The following CYP3A43 variants were observed in gnomAD, a reference collection of about 807,000 sequenced individuals.
CYP3A43 encodes cytochrome P450 family 3 subfamily A member 43.
CYP3A43 carries 45 observed loss-of-function variants against 58.0 expected under a neutral mutation model. The ratio of observed to expected loss-of-function variants is 0.78; its 90% CI spans 0.61 to 0.99. The LOEUF is 0.99. Among genes scored for constraint, CYP3A43 ranks in the 50% least tolerant of loss-of-function variants. The pLI, the probability that CYP3A43 is intolerant of heterozygous loss-of-function variation, is 0.00. For synonymous variants in CYP3A43, 191 were observed against 201.4 expected (o/e 0.95, Z 0.44); for missense variants, 593 against 591.9 (o/e 1.00, Z -0.02).
At position 99,855,586 on chromosome 7, in the gene CYP3A43, T is replaced by A; in HGVS notation, c.671-5T>A. ...TTTTTCTTTTTCTATTTAATTTTCCTATAGCACTCTTTCCATTTCTTACCC... is the reference window on the plus strand; with the variant it reads ...TTTTTCTTTTTCTATTTAATTTTCCAATAGCACTCTTTCCATTTCTTACCC... On this transcript the variant is annotated splice_region_variant and splice_polypyrimidine_tract_variant and intron_variant, in intron 7 of 12. Coordinates refer to ENST00000354829, the MANE Select transcript of CYP3A43 (RefSeq NM_057095.3). 3 of 1,600,024 alleles carry A rather than the reference T, an allele frequency of 1.9e-6. No homozygotes were observed. The highest frequency in any genetic ancestry group is 2.6e-6 in the Non-Finnish European group (3 of 1,173,454).
In CYP3A43 at chr7:99,838,653, G is replaced by A. The variant is rs1262835703; in HGVS notation, c.166-467G>A. 2.3e-6 allele frequency: 3 copies of A among 1,287,090 alleles called. No individual in the cohort carries two copies. In the South Asian group the frequency reaches 3.7e-5, roughly 16 times the overall value. The allele number at this position is 1,287,090 out of a possible 1,614,324, so 79.7% of individuals were successfully genotyped here. On this transcript the variant is annotated intron_variant, in intron 2 of 12. Coordinates refer to ENST00000354829, the MANE Select transcript of CYP3A43 (RefSeq NM_057095.3). ...AAATTCTCCATTTCAAATATCTTCT[G>A]TATTTTCTCTCCTTTTCCTTAAGAG...
intron 4 of CYP3A43, among the ~76,000 whole-genome samples, chr7:99,845,714 C>T (rs1001359867): frequency 6.6e-6 from 1 of 151,894 alleles, no homozygotes; most frequent in Admixed American, 6.6e-5. Flanking sequence ...AGTAGCTGTA[C>T]GGTAACTATT....
rs1162189536 is a variant in CYP3A43 at position 99,849,707 on chromosome 7, T to C, written c.670+13T>C. 1 of 1,555,994 alleles carries C rather than the reference T, an allele frequency of 6.4e-7. No homozygotes were observed. Among genetic ancestry groups the C allele is most frequent in the Non-Finnish European group, 8.6e-7 (1 of 1,162,396 alleles). On this transcript the variant is annotated intron_variant, in intron 7 of 12. Coordinates refer to ENST00000354829, the MANE Select transcript of CYP3A43 (RefSeq NM_057095.3). ...TTACTCTTAATATGTATGTGGACTTTTATGTTATTTCTCTCTCTCTCTCTC... is the reference window on the plus strand; with the variant it reads ...TTACTCTTAATATGTATGTGGACTTCTATGTTATTTCTCTCTCTCTCTCTC...
At chr7:99,860,233 C>T (rs1818175337) in intron 10 of CYP3A43, among the ~76,000 whole-genome samples, 1 of 152,216 alleles carries the variant, frequency 6.6e-6, no homozygotes, top group Non-Finnish European at 1.5e-5. Context: ...CTGTTAGCAA[C>T]ATAACACCAA....
intron 6 of CYP3A43, among the ~76,000 whole-genome samples, chr7:99,848,479 T>C (rs1202572550): frequency 2.6e-5 from 4 of 152,196 alleles, no homozygotes. Context: ...GAATAACTTA[T>C]CTGTTACATT....
intron 10 of CYP3A43, among the ~76,000 whole-genome samples, chr7:99,861,319 G>A (rs894326502): frequency 5.9e-5 from 9 of 152,116 alleles, no homozygotes; most frequent in African/African-American, 1.9e-4. Flanking sequence ...AATGGCCATC[G>A]TCTATTAGTC....
At chr7:99,859,226 G>A (rs768647878) in intron 9 of CYP3A43, among the ~76,000 whole-genome samples, 22 of 152,136 alleles carry the variant, frequency 1.4e-4, no homozygotes, top group Non-Finnish European at 2.6e-4. Flanking sequence ...TTGAGGGTAG[G>A]GTTTGAGATT....
intron 3 of CYP3A43, among the ~76,000 whole-genome samples, chr7:99,842,576 C>T (rs1432809655): frequency 1.3e-5 from 2 of 151,914 alleles, no homozygotes; most frequent in African/African-American, 2.4e-5. Context: ...ACACTTTTTA[C>T]GTAATAAAAC....
chr7:99,837,331 A>AAAAG (rs1554442625), intron 2 of CYP3A43, among the ~76,000 whole-genome samples: 5 of 151,458 alleles, frequency 3.3e-5, no homozygotes, highest in African/African-American at 1.2e-4. Context: ...AAAAAAAAAA[A>AAAAG]AAAAGAAAAG....
At chr7:99,852,645 A>G (rs781061349) in intron 7 of CYP3A43, among the ~76,000 whole-genome samples, 1 of 152,162 alleles carries the variant, frequency 6.6e-6, no homozygotes, top group Non-Finnish European at 1.5e-5. Flanking sequence ...TTGACCTTCT[A>G]TCTTCAAATA....
At chr7:99,849,475 C>A (rs1817662899) in intron 6 of CYP3A43, 71 bp from the exon 7 acceptor site, 2 of 1,509,104 alleles carry the variant, frequency 1.3e-6, no homozygotes, top group Admixed American at 2.4e-5. Flanking sequence ...CATAGCACTT[C>A]TTGCTGTGTG....
intron 4 of CYP3A43, 34 bp downstream of exon 4, chr7:99,844,276 T>G: frequency 6.3e-7 from 1 of 1,589,650 alleles, no homozygotes; most frequent in Non-Finnish European, 8.6e-7. Context: ...TTAATCAAAT[T>G]TTTATTCTTA....
chr7:99,863,541 A>G lies in CYP3A43; in HGVS notation c.1258A>G (p.Ser420Gly), dbSNP rs1299212332. The G allele has an allele frequency of 8.1e-6, 13 of 1,595,748 alleles. No homozygotes were observed. The highest frequency in any genetic ancestry group is 1.1e-5 in the Non-Finnish European group (13 of 1,174,152). Residue 420 changes from serine (S) to glycine (G), a missense_variant, in exon 12 of 13, where the codon AGT becomes GGT. By Grantham distance (56) the Ser-to-Gly change is moderately conservative (BLOSUM62 0). Transcript: ENST00000354829. ...EPEKFCPERF[S>G]KKNKDSIDLY... ...TATGTACTACTGTGAAAGTAGGTTC[A>G]GTAAGAAGAACAAGGACAGCATAGA...
At position 99,859,896 on chromosome 7, in the gene CYP3A43, G is replaced by A. The variant is rs1818158017; in HGVS notation, c.932G>A (p.Ser311Asn). ...IIIFAAYDTTSTTLPFIMYEL... is the reference protein window; with the variant it reads ...IIIFAAYDTTNTTLPFIMYEL... ...ATTTTTGCTGCCTATGACACAACTA[G>A]CACCACTCTCCCCTTCATTATGTAT... is the stretch of plus-strand genomic sequence containing the variant. The change falls in exon 10 of 13, where the codon AGC becomes AAC. Residue 311 changes from serine (S) to asparagine (N), a missense_variant. Transcript: ENST00000354829. The A allele has an allele frequency of 2.5e-6, 4 of 1,614,080 alleles. No homozygotes were observed. Among genetic ancestry groups the A allele is most frequent in the Non-Finnish European group, 3.4e-6 (4 of 1,180,012 alleles).
chr7:99,861,863 C>G, intron 11 of CYP3A43, 24 bp downstream of exon 11: 1 of 1,586,190 alleles, frequency 6.3e-7, no homozygotes, highest in Non-Finnish European at 8.6e-7. Flanking sequence ...GGGAAAGGAG[C>G]CTTCCCTCAA....
intron 7 of CYP3A43, among the ~76,000 whole-genome samples, chr7:99,852,868 T>A (rs547800057): frequency 2.6e-5 from 4 of 152,362 alleles, no homozygotes; most frequent in Non-Finnish European, 5.9e-5. Flanking sequence ...ATGCTTTTAC[T>A]CATACTGAGA....
chr7:99,834,630 G>C lies in CYP3A43; in HGVS notation c.72-1823G>C, dbSNP rs112495476. Among the ~76,000 whole-genome samples, 202 of 152,270 alleles carry C rather than the reference G, an allele frequency of 1.3e-3. 1 individual carries two copies. Among genetic ancestry groups the C allele is most frequent in the African/African-American group, 4.5e-3 (185 of 41,562 alleles). On this transcript the variant is annotated intron_variant, in intron 1 of 12. Coordinates refer to ENST00000354829, the MANE Select transcript of CYP3A43 (RefSeq NM_057095.3). ...CCAAGTGCGGCTTAGAATAGACAGT[G>C]GAGGGAAAGGGTTTTGATCTTGTAA... is the stretch of plus-strand genomic sequence containing the variant.
intron 6 of CYP3A43, 33 bp downstream of exon 6, chr7:99,848,287 C>G: frequency 6.2e-7 from 1 of 1,604,728 alleles, no homozygotes; most frequent in African/African-American, 1.3e-5. Flanking sequence ...TCTGAGCTGT[C>G]ATGAGCCCCT....
At chr7:99,852,817 C>A (rs1236479545) in intron 7 of CYP3A43, among the ~76,000 whole-genome samples, 1 of 152,090 alleles carries the variant, frequency 6.6e-6, no homozygotes, top group East Asian at 1.9e-4. Context: ...TTTTTAGTTG[C>A]TGAGTGTTTT....
Sources: allele counts gnomAD v4.1 joint callset (sites outside exome capture counted in the v4.1 genomes callset), GRCh38; gene constraint gnomAD v4.1.1; transcripts MANE v1.5; gene names NCBI Gene and HGNC (gene_info 2026-07-23, HGNC 2026-07-21).